Variants in ENTHD1 observed in about 807,000 individuals in gnomAD.
ENTHD1 encodes ENTH domain containing 1, also known as ENTH domain-containing protein 1.
In ENTHD1, 23 loss-of-function variants were observed where a neutral mutation model predicts 39.1. That is an observed-to-expected ratio of 0.59 (90% confidence interval 0.42 to 0.83). ENTHD1 has a LOEUF of 0.83. ENTHD1 is among the 40% of genes least tolerant of loss of function. The pLI is 0.00. For missense variants in ENTHD1, 624 were observed against 705.4 expected (o/e 0.88, Z 1.31); for synonymous variants, 230 against 258.2 (o/e 0.89, Z 1.05).
At chr22:39,760,484 T>C (rs1207645732) in intron 6 of ENTHD1, among the ~76,000 whole-genome samples, 1 of 152,024 alleles carries the variant, frequency 6.6e-6, no homozygotes, top group African/African-American at 2.4e-5. Context: ...TATTTTTAAT[T>C]GTTTTACTTT....
intron 5 of ENTHD1, among the ~76,000 whole-genome samples, chr22:39,799,915 G>T (rs375905241): frequency 1.6e-4 from 25 of 152,318 alleles, no homozygotes; most frequent in Admixed American, 4.6e-4. Flanking sequence ...ATGTGGAGAT[G>T]CAGGGGCTGT....
At chr22:39,758,420 TTTTA>T (rs550793670) in intron 6 of ENTHD1, among the ~76,000 whole-genome samples, 2 of 152,006 alleles carry the variant, frequency 1.3e-5, no homozygotes, top group African/African-American at 4.8e-5. Context: ...TTAAAAAACA[TTTTA>T]TTTATTTATT....
chr22:39,839,077 G>T (rs1012297689), intron 3 of ENTHD1, among the ~76,000 whole-genome samples: 1 of 151,660 alleles, frequency 6.6e-6, no homozygotes, highest in Non-Finnish European at 1.5e-5. Context: ...TTTACAACGT[G>T]CCAGAATTAT....
chr22:39,861,653 A>G, intron 3 of ENTHD1, 112 bp downstream of exon 3: 3 of 891,464 alleles, frequency 3.4e-6, no homozygotes, highest in Non-Finnish European at 4.5e-6. Flanking sequence ...TAATATGGTA[A>G]TAGTAATACT....
intron 5 of ENTHD1, among the ~76,000 whole-genome samples, chr22:39,774,332 A>C (rs936506307): frequency 8.6e-5 from 13 of 152,034 alleles, no homozygotes; most frequent in Non-Finnish European, 1.9e-4. Context: ...CTTACACTAG[A>C]TCTAGATGGT....
rs182947850 is a variant in ENTHD1 at position 39,887,811 on chromosome 22, G to T, written c.-63C>A. 8 of 1,269,268 alleles carry T rather than the reference G, an allele frequency of 6.3e-6. No homozygotes were observed. The highest frequency in any genetic ancestry group is 3.0e-5 in the African/African-American group (2 of 66,816). The allele number at this position is 1,269,268 out of a possible 1,614,324, so 78.6% of individuals were successfully genotyped here. Reference sequence around the variant, plus strand: ...GCAATGGAATAACAGTTTATGTCACGGGTTTATAAAACTCTTGACAGGTAA... The same window carrying T: ...GCAATGGAATAACAGTTTATGTCACTGGTTTATAAAACTCTTGACAGGTAA... On this transcript the variant is annotated 5_prime_UTR_variant, in exon 2 of 7. Coordinates refer to ENST00000325157, the MANE Select transcript of ENTHD1 (RefSeq NM_152512.4).
chr22:39,778,502 G>A (rs1057130257), intron 5 of ENTHD1, among the ~76,000 whole-genome samples: 8 of 152,152 alleles, frequency 5.3e-5, no homozygotes, highest in Admixed American at 5.2e-4. Flanking sequence ...ACTGAAACAA[G>A]CCTTTAAATA....
At chr22:39,842,356 C>T (rs1369795280) in intron 3 of ENTHD1, among the ~76,000 whole-genome samples, 26 of 152,008 alleles carry the variant, frequency 1.7e-4, no homozygotes, top group South Asian at 6.3e-4. Flanking sequence ...CCATTCTCCC[C>T]GTCACTTTCA....
At chr22:39,764,485 A>T (rs905088365) in intron 6 of ENTHD1, among the ~76,000 whole-genome samples, 1 of 152,174 alleles carries the variant, frequency 6.6e-6, no homozygotes, top group Non-Finnish European at 1.5e-5. Flanking sequence ...AAATACATTT[A>T]AAAAGCTTTA....
chr22:39,765,124 A>G (rs2065264258), intron 6 of ENTHD1, 99 bp downstream of exon 6: 10 of 1,433,410 alleles, frequency 7.0e-6, no homozygotes, highest in Non-Finnish European at 9.1e-6. Flanking sequence ...GAACAAAAAA[A>G]GGAGACAGAA....
intron 4 of ENTHD1, among the ~76,000 whole-genome samples, chr22:39,828,592 A>T (rs1215784742): frequency 6.6e-6 from 1 of 152,244 alleles, no homozygotes; most frequent in Admixed American, 6.5e-5. Context: ...GTAAATCACA[A>T]CTAGACTGAA....
chr22:39,812,727 C>G (rs1004809339), intron 5 of ENTHD1, among the ~76,000 whole-genome samples: 1 of 152,154 alleles, frequency 6.6e-6, no homozygotes, highest in Admixed American at 6.5e-5. Flanking sequence ...ACATCACTAG[C>G]AGGGAAAACA....
chr22:39,853,237 G>C (rs1279274061), intron 3 of ENTHD1, among the ~76,000 whole-genome samples: 1 of 152,126 alleles, frequency 6.6e-6, no homozygotes, highest in Non-Finnish European at 1.5e-5. Context: ...TTCCTACAGT[G>C]TATTTCTAGT....
Position 39,765,600 on chromosome 22 carries a change from GGCACA to G in ENTHD1, c.837_841del (p.Val280TyrfsTer6). 1 of 1,604,272 alleles carries G rather than the reference GGCACA, an allele frequency of 6.2e-7. No individual in the cohort carries two copies. The highest frequency in any genetic ancestry group is 1.3e-5 in the African/African-American group (1 of 74,404). Reference sequence around the variant, plus strand: ...AGAAGGACTATTTTCTGAGAGAGTAGGCACAGCATCTATAAAAGAACAAATAAGAG... The same window carrying G: ...AGAAGGACTATTTTCTGAGAGAGTAGGCATCTATAAAAGAACAAATAAGAG... On this transcript the variant is annotated frameshift_variant, in exon 6 of 7. Coordinates refer to ENST00000325157, the MANE Select transcript of ENTHD1 (RefSeq NM_152512.4). LOFTEE classifies it high-confidence loss of function.
chr22:39,801,541 G>A lies in ENTHD1; in HGVS notation c.832+19452C>T, dbSNP rs570885985. Reference sequence around the variant, plus strand: ...AGGAAAAAAGAACATTTGCATGAGCGTAATCAACCCATCAGAAACAAGCTT... The same window carrying A: ...AGGAAAAAAGAACATTTGCATGAGCATAATCAACCCATCAGAAACAAGCTT... On this transcript the variant is annotated intron_variant, in intron 5 of 6. Coordinates refer to ENST00000325157, the MANE Select transcript of ENTHD1 (RefSeq NM_152512.4). 6.6e-5 allele frequency among the ~76,000 whole-genome samples: 10 copies of A among 152,294 alleles called. No individual in the cohort carries two copies. The South Asian group carries it at 8.3e-4, about 13-fold the overall frequency.
At chr22:39,884,723 G>T (rs1161099922) in intron 2 of ENTHD1, among the ~76,000 whole-genome samples, 1 of 152,174 alleles carries the variant, frequency 6.6e-6, no homozygotes, top group African/African-American at 2.4e-5. Flanking sequence ...TTATTTGGTT[G>T]ATTGATTTTT....
At chr22:39,832,935 G>C (rs947478334) in intron 4 of ENTHD1, among the ~76,000 whole-genome samples, 1 of 152,074 alleles carries the variant, frequency 6.6e-6, no homozygotes, top group African/African-American at 2.4e-5. Flanking sequence ...ACAGCTACTG[G>C]GACTCAGGCA....
intron 6 of ENTHD1, among the ~76,000 whole-genome samples, chr22:39,759,971 A>G (rs1280958284): frequency 6.6e-6 from 1 of 151,728 alleles, no homozygotes; most frequent in Admixed American, 6.6e-5. Flanking sequence ...ATTTATTGTT[A>G]CTTTTTGTTT....
chr22:39,781,610 GC>G (rs2065410805), intron 5 of ENTHD1, among the ~76,000 whole-genome samples: 2 of 152,044 alleles, frequency 1.3e-5, no homozygotes, highest in Non-Finnish European at 2.9e-5. Flanking sequence ...AACTAGAGAA[GC>G]AGGAATAAAC....
Sources: allele counts gnomAD v4.1 joint callset (sites outside exome capture counted in the v4.1 genomes callset), GRCh38; gene constraint gnomAD v4.1.1; transcripts MANE v1.5; gene names NCBI Gene and HGNC (gene_info 2026-07-23, HGNC 2026-07-21).